The following KIF6 variants were observed in gnomAD, a reference collection of about 807,000 sequenced individuals.
KIF6 encodes the protein kinesin-like protein KIF6.
Under a neutral mutation model 112.7 loss-of-function variants are expected in KIF6, and 106 were observed. The ratio of observed to expected loss-of-function variants is 0.94; its 90% CI spans 0.80 to 1.11. The LOEUF (loss-of-function observed/expected upper bound fraction) is 1.11. KIF6 is among the 50% of genes least tolerant of loss of function. The probability of loss-of-function intolerance (pLI) is 0.00; values close to 1 mark genes in which losing one functional copy is unlikely to be tolerated. For missense variants in KIF6, 929 were observed against 964.0 expected, an observed-to-expected ratio of 0.96 and a Z score of 0.48; for synonymous variants, 339 against 339.9, an observed-to-expected ratio of 1.00 and a Z score of 0.03.
chr6:39,429,690 A>G (rs908953839), intron 14 of KIF6, among the ~76,000 whole-genome samples: 31 of 152,198 alleles, frequency 2.0e-4, no homozygotes, highest in African/African-American at 7.5e-4. Context: ...TGGGCGGAAC[A>G]CGAGGTCAGC....
chr6:39,594,535 C>T (rs1582225107), intron 7 of KIF6, among the ~76,000 whole-genome samples: 2 of 152,154 alleles, frequency 1.3e-5, no homozygotes, highest in Non-Finnish European at 2.9e-5. Flanking sequence ...GATCTGAATA[C>T]CAGGCAGGCC....
chr6:39,386,197 A>C (rs1163506215), intron 15 of KIF6, among the ~76,000 whole-genome samples: 1 of 152,220 alleles, frequency 6.6e-6, no homozygotes, highest in Non-Finnish European at 1.5e-5. Flanking sequence ...CACAGAGAAC[A>C]GTGATAGTTC....
chr6:39,709,977 A>G (rs983476945), intron 3 of KIF6, among the ~76,000 whole-genome samples: 1 of 152,290 alleles, frequency 6.6e-6, no homozygotes, highest in African/African-American at 2.4e-5. Flanking sequence ...TTTATGTTTT[A>G]CCATTTCAAA....
chr6:39,496,751 C>T (rs777774944), intron 13 of KIF6, among the ~76,000 whole-genome samples: 5 of 152,092 alleles, frequency 3.3e-5, no homozygotes, highest in Non-Finnish European at 7.4e-5. Flanking sequence ...AATATAAATT[C>T]GTAAACTTAT....
chr6:39,671,439 G>A (rs1218564713), intron 3 of KIF6, among the ~76,000 whole-genome samples: 1 of 152,196 alleles, frequency 6.6e-6, no homozygotes, highest in Non-Finnish European at 1.5e-5. Context: ...CTCCGTGAGG[G>A]TATTGGTGTG....
At chr6:39,576,130 T>G (rs1469601079) in intron 10 of KIF6, among the ~76,000 whole-genome samples, 1 of 152,122 alleles carries the variant, frequency 6.6e-6, no homozygotes, top group Admixed American at 6.5e-5. Flanking sequence ...ACACTGGTAC[T>G]GATTTTTTTT....
At chr6:39,708,098 G>T (rs1789319843) in intron 3 of KIF6, among the ~76,000 whole-genome samples, 1 of 152,096 alleles carries the variant, frequency 6.6e-6, no homozygotes, top group Admixed American at 6.6e-5. Context: ...GCAGAACTGG[G>T]TGTGCTAGGC....
intron 21 of KIF6, among the ~76,000 whole-genome samples, chr6:39,344,084 C>G (rs1763525611): frequency 6.6e-6 from 1 of 152,280 alleles, no homozygotes; most frequent in East Asian, 1.9e-4. Context: ...CTGTAGCTCC[C>G]ATAATTTCCA....
At chr6:39,579,253 A>C (rs1781152504) in intron 9 of KIF6, among the ~76,000 whole-genome samples, 1 of 152,148 alleles carries the variant, frequency 6.6e-6, no homozygotes, top group Non-Finnish European at 1.5e-5. Context: ...ATTGACAGGT[A>C]CTTTCATTTT....
intron 13 of KIF6, among the ~76,000 whole-genome samples, chr6:39,445,685 A>G (rs919487415): frequency 1.3e-5 from 2 of 152,200 alleles, no homozygotes; most frequent in African/African-American, 4.8e-5. Context: ...GTCAGATTGC[A>G]GAAGGATTTC....
intron 12 of KIF6, among the ~76,000 whole-genome samples, chr6:39,541,233 T>C (rs1369225372): frequency 6.6e-6 from 1 of 152,214 alleles, no homozygotes; most frequent in Non-Finnish European, 1.5e-5. Flanking sequence ...TGGAAGTCAT[T>C]TGACCTTCAT....
At chr6:39,503,094 A>T (rs1776224603) in intron 13 of KIF6, among the ~76,000 whole-genome samples, 1 of 152,084 alleles carries the variant, frequency 6.6e-6, no homozygotes, top group Admixed American at 6.6e-5. Flanking sequence ...ATTAGAAGTA[A>T]AACACTCCTC....
chr6:39,478,739 G>A (rs189433974), intron 13 of KIF6, among the ~76,000 whole-genome samples: 46 of 134,180 alleles, frequency 3.4e-4, no homozygotes, highest in African/African-American at 1.0e-3. Flanking sequence ...AGTGTTCCCT[G>A]TTCACCGCAT....
chr6:39,488,024 T>A (rs1775231451), intron 13 of KIF6, among the ~76,000 whole-genome samples: 1 of 138,396 alleles, frequency 7.2e-6, no homozygotes, highest in Non-Finnish European at 1.6e-5. Context: ...TAATCATCCA[T>A]CCACTCATCT....
At chr6:39,438,027 G>C (rs1562216862) in intron 13 of KIF6, among the ~76,000 whole-genome samples, 1 of 151,990 alleles carries the variant, frequency 6.6e-6, no homozygotes, top group Non-Finnish European at 1.5e-5. Flanking sequence ...GCCCAGGCAG[G>C]AGTGCAGTGG....
At chr6:39,703,051 C>CG (rs1788963506) in intron 3 of KIF6, among the ~76,000 whole-genome samples, 1 of 87,376 alleles carries the variant, frequency 1.1e-5, no homozygotes, top group Non-Finnish European at 2.6e-5. Context: ...TTCCACCCCC[C>CG]GGCCACCAAG....
At chr6:39,708,043 T>C (rs1294578723) in intron 3 of KIF6, among the ~76,000 whole-genome samples, 4 of 152,212 alleles carry the variant, frequency 2.6e-5, no homozygotes, top group Non-Finnish European at 5.9e-5. Flanking sequence ...CCCTATTCTG[T>C]CCTCCTTGTC....
At chr6:39,560,218 G>A (rs1779938547) in intron 10 of KIF6, among the ~76,000 whole-genome samples, 1 of 152,184 alleles carries the variant, frequency 6.6e-6, no homozygotes, top group Non-Finnish European at 1.5e-5. Flanking sequence ...TAGGCCCAGT[G>A]CTGCTGCTCT....
intron 7 of KIF6, 49 bp from the exon 8 acceptor site, chr6:39,586,453 C>T: frequency 1.3e-6 from 2 of 1,500,368 alleles, no homozygotes; most frequent in East Asian, 4.5e-5. Flanking sequence ...AGAAAATGCA[C>T]TCCTGACAAA....
Sources: gnomAD v4.1 joint callset for allele counts (sites outside exome capture counted in the v4.1 genomes callset) on GRCh38, gnomAD v4.1.1 for gene constraint, MANE v1.5 for transcripts, NCBI Gene and HGNC (gene_info 2026-07-23, HGNC 2026-07-21) for gene names.